Variants in EPB41L3 observed in about 807,000 individuals in gnomAD.
The protein encoded by EPB41L3 is erythrocyte membrane protein band 4.1 like 3, also known as band 4.1-like protein 3.
In EPB41L3, 57 loss-of-function variants were observed where a neutral mutation model predicts 127.1. The observed-to-expected ratio is 0.45, with a 90% confidence interval of 0.36 to 0.56. The LOEUF (loss-of-function observed/expected upper bound fraction) is 0.56. Among genes scored for constraint, EPB41L3 ranks in the 20% least tolerant of loss-of-function variants. The pLI, the probability that EPB41L3 is intolerant of heterozygous loss-of-function variation, is 0.00. For missense variants in EPB41L3, 1,273 were observed against 1,372.2 expected, an observed-to-expected ratio of 0.93 and a Z score of 1.14; for synonymous variants, 572 against 549.5, an observed-to-expected ratio of 1.04 and a Z score of -0.57.
chr18:5,445,739 G>A (rs1568210722), intron 3 of EPB41L3, among the ~76,000 whole-genome samples: 1 of 152,230 alleles, frequency 6.6e-6, no homozygotes, highest in Non-Finnish European at 1.5e-5. Flanking sequence ...ACAGCAAGAG[G>A]TGGGTGGCAG....
intron 11 of EPB41L3, among the ~76,000 whole-genome samples, chr18:5,422,536 T>G (rs187546393): frequency 2.0e-5 from 3 of 152,238 alleles, no homozygotes; most frequent in African/African-American, 7.2e-5. Context: ...TTCTTTTTAT[T>G]TGCACAGGAT....
rs1350890804 is a variant in EPB41L3, at chr18:5,478,345, T to C, written c.277A>G (p.Ser93Gly). 1 of 1,614,088 alleles carries C rather than the reference T, an allele frequency of 6.2e-7. No individual in the cohort carries two copies. Among genetic ancestry groups the C allele is most frequent in the Non-Finnish European group, 8.5e-7 (1 of 1,180,024 alleles). The change falls in exon 3 of 23, where the codon AGC becomes GGC. Residue 93 changes from serine to glycine, a missense_variant. Physicochemically the swap from Ser to Gly is moderately conservative, Grantham distance 56 (BLOSUM62 0). Around this residue, in one of 3 missense-constraint regions of EPB41L3, gnomAD observed 182 missense variants for 149.2 expected, o/e 1.22. Transcript: ENST00000341928. ...EDDKLSQKSSSSKLSRSPLKI... is the reference protein window; with the variant it reads ...EDDKLSQKSSGSKLSRSPLKI... ...AATGGAGACCGAGAGAGTTTACTGC[T>C]AGATGATTTCTGAGAAAGTTTATCG...
chr18:5,531,703 G>T lies in EPB41L3; in HGVS notation c.-12+12210C>A, dbSNP rs1019763663. Among the ~76,000 whole-genome samples, 10 of 122,650 alleles carry T rather than the reference G, an allele frequency of 8.2e-5. No homozygotes were observed. In the Middle Eastern group the frequency reaches 0.03, roughly 365 times the overall value. 80.5% of individuals were successfully genotyped at this position (122,650 alleles called of 152,430 possible). A position where few individuals can be genotyped will look rare whatever the true frequency, so the allele number is the denominator to read the frequency against. ...AAGATCATGCCGCCACTGCACTCCA[G>T]CCTATACAACAGAACAAGACCCTGT... On this transcript the variant is annotated intron_variant, in intron 1 of 22. Coordinates refer to ENST00000341928, the MANE Select transcript of EPB41L3 (RefSeq NM_012307.5).
intron 1 of EPB41L3, among the ~76,000 whole-genome samples, chr18:5,502,328 G>A (rs898752655): frequency 6.6e-6 from 1 of 151,612 alleles, no homozygotes; most frequent in Admixed American, 6.6e-5. Context: ...CTGAAAGGCT[G>A]AAATGCAGTT....
rs756117638 is a variant in EPB41L3, at chr18:5,397,332, A to G, written c.2567T>C (p.Val856Ala). Residue 856 changes from valine (V) to alanine (A), a missense_variant, in exon 18 of 23, where the codon GTG (valine) becomes GCG (alanine). Val to Ala is a moderately conservative substitution (Grantham distance 64). Transcript: ENST00000341928. The surrounding 1 kb of genome is among the most constrained non-coding windows in gnomAD (Gnocchi z 4.1). ...CACCACACGCCGCTCCTCCACCAAC[A>G]CGGTCTCCTGCACCACCTTCTCAGT... ...LSTEKVVQET[V>A]LVEERRVVHA... is the part of the protein sequence containing the mutation. 1.2e-6 allele frequency: 2 copies of G among 1,613,712 alleles called. No individual in the cohort carries two copies. Among genetic ancestry groups the G allele is most frequent in the Non-Finnish European group, 1.7e-6 (2 of 1,180,010 alleles).
chr18:5,419,613 A>T, intron 12 of EPB41L3, 98 bp downstream of exon 12: 1 of 1,513,948 alleles, frequency 6.6e-7, no homozygotes, highest in South Asian at 1.2e-5. Context: ...CATATGATTT[A>T]TCCTAAATCT....
intron 3 of EPB41L3, chr18:5,571,007 A>G (rs1248169885): frequency 1.3e-5 from 2 of 152,278 alleles, no homozygotes; most frequent in East Asian, 3.9e-4. Context: ...TTCTTTCTGA[A>G]TATAAGTCCA....
At chr18:5,489,512 T>TA (rs2090334967) in intron 1 of EPB41L3, 1 of 284,296 alleles carries the variant, frequency 3.5e-6, no homozygotes, top group Non-Finnish European at 6.4e-6. Flanking sequence ...TTAAATATCT[T>TA]ACATTCAATT....
intron 3 of EPB41L3, among the ~76,000 whole-genome samples, chr18:5,554,724 G>T (rs1031602757): frequency 3.9e-5 from 6 of 152,056 alleles, no homozygotes; most frequent in Admixed American, 1.3e-4. Flanking sequence ...TAACACCAGG[G>T]GCAATTTAAT....
At chr18:5,464,273 C>T (rs11665584) in intron 3 of EPB41L3, among the ~76,000 whole-genome samples, 49,339 of 152,026 alleles carry the variant, frequency 0.32, 8,362 homozygotes, top group East Asian at 0.47. Context: ...CATTTTCTAA[C>T]AATTAATATC....
chr18:5,409,515 CT>C (rs2075926904), intron 14 of EPB41L3, among the ~76,000 whole-genome samples: 1 of 152,052 alleles, frequency 6.6e-6, no homozygotes. Flanking sequence ...ACAATATCAT[CT>C]TTAATGTTAA....
intron 3 of EPB41L3, among the ~76,000 whole-genome samples, chr18:5,575,182 T>C (rs557741140): frequency 1.2e-4 from 18 of 152,334 alleles, no homozygotes; most frequent in African/African-American, 4.3e-4. Flanking sequence ...TGCTGTTTAA[T>C]TGTGAGTAAT....
upstream of EPB41L3, among the ~76,000 whole-genome samples, chr18:5,548,759 A>T (rs1300333689): frequency 6.6e-6 from 1 of 152,206 alleles, no homozygotes; most frequent in African/African-American, 2.4e-5. Flanking sequence ...AAAATAAAAA[A>T]TCCACTGAGA....
chr18:5,444,852 C>G (rs987814227), intron 4 of EPB41L3, among the ~76,000 whole-genome samples: 1 of 152,062 alleles, frequency 6.6e-6, no homozygotes. Flanking sequence ...CCCAACCCCA[C>G]CCCGGCAAAA....
intron 1 of EPB41L3, chr18:5,540,260 G>A: frequency 2.6e-6 from 2 of 777,420 alleles, no homozygotes; most frequent in Non-Finnish European, 1.6e-6. Flanking sequence ...AACAAAAAAC[G>A]TCTCCTTCCT....
intron 3 of EPB41L3, among the ~76,000 whole-genome samples, chr18:5,560,963 A>G (rs1568573968): frequency 7.0e-6 from 1 of 142,150 alleles, no homozygotes; most frequent in African/African-American, 2.6e-5. Flanking sequence ...TTATTTATTT[A>G]TTTATTTATT....
At chr18:5,414,308 T>G (rs911165676) in intron 13 of EPB41L3, among the ~76,000 whole-genome samples, 7 of 152,226 alleles carry the variant, frequency 4.6e-5, no homozygotes, top group Non-Finnish European at 7.3e-5. Flanking sequence ...GTTATTTATA[T>G]ATCAGTTGGA....
intron 1 of EPB41L3, among the ~76,000 whole-genome samples, chr18:5,534,767 T>C (rs1052996187): frequency 6.6e-6 from 1 of 152,156 alleles, no homozygotes; most frequent in African/African-American, 2.4e-5. Context: ...ATGTGTATAC[T>C]CTCATTAGAC....
rs1363440358 is a variant in EPB41L3, at chr18:5,481,313, T to C, written c.184-2875A>G. Among the ~76,000 whole-genome samples, 5 of 152,104 alleles carry C rather than the reference T, an allele frequency of 3.3e-5. No individual in the cohort carries two copies. In the East Asian group the frequency reaches 9.6e-4, roughly 29 times the overall value. On this transcript the variant is annotated intron_variant, in intron 2 of 22. Coordinates refer to ENST00000341928, the MANE Select transcript of EPB41L3 (RefSeq NM_012307.5). ...CACCAGCAACAACCTGGAACTCAAA[T>C]ATGAGGACGAGACAGATCCTGAGGC...
Sources: gnomAD v4.1 joint callset for allele counts (sites outside exome capture counted in the v4.1 genomes callset) on GRCh38, gnomAD v4.1.1 for gene constraint, gnomAD v4.1.1 regional missense constraint, Gnocchi (gnomAD v3.1) non-coding constraint, MANE v1.5 for transcripts, NCBI Gene and HGNC (gene_info 2026-07-23, HGNC 2026-07-21) for gene names.